Variants in COL27A1 observed in about 807,000 individuals in gnomAD.
COL27A1 encodes the protein collagen type XXVII alpha 1 chain, also known as collagen alpha-1(XXVII) chain.
In COL27A1, 106 loss-of-function variants were observed where a neutral mutation model predicts 251.3. The ratio of observed to expected loss-of-function variants is 0.42; its 90% confidence interval spans 0.36 to 0.50. COL27A1 has a LOEUF of 0.50. COL27A1 is among the 20% of genes least tolerant of loss of function. The pLI is 0.00. For synonymous variants in COL27A1, 1,000 were observed against 986.3 expected, an observed-to-expected ratio of 1.01 and a Z score of -0.26; for missense variants, 2,325 against 2,522.8, an observed-to-expected ratio of 0.92 and a Z score of 1.68.
At chr9:114,277,468 C>T (rs954865718) in intron 37 of COL27A1, among the ~76,000 whole-genome samples, 14 of 152,130 alleles carry the variant, frequency 9.2e-5, no homozygotes, top group African/African-American at 3.4e-4. Flanking sequence ...CACTGTTTTT[C>T]CCCCCTGAAG....
intron 2 of COL27A1, among the ~76,000 whole-genome samples, chr9:114,165,998 CATCCATCCATTT>C (rs905551176): frequency 6.6e-6 from 1 of 151,194 alleles, no homozygotes; most frequent in Non-Finnish European, 1.5e-5. Context: ...TCCATCCATT[CATCCATCCATTT>C]ATCCATCCAT....
At chr9:114,218,021 G>T (rs896945703) in intron 12 of COL27A1, 5 of 355,394 alleles carry the variant, frequency 1.4e-5, no homozygotes, top group African/African-American at 6.4e-5. Flanking sequence ...GGCTGAGGCG[G>T]CAGGATCACT....
intron 16 of COL27A1, among the ~76,000 whole-genome samples, chr9:114,232,287 A>G (rs1184704886): frequency 6.6e-6 from 1 of 152,134 alleles, no homozygotes; most frequent in Non-Finnish European, 1.5e-5. Context: ...CCGACTGGAA[A>G]TGCGACTCTG....
intron 10 of COL27A1, 28 bp downstream of exon 10, chr9:114,206,324 G>T: frequency 6.2e-7 from 1 of 1,613,050 alleles, no homozygotes; most frequent in Non-Finnish European, 8.5e-7. Context: ...AGTGCCACAT[G>T]GGTGGGGTTC....
chr9:114,267,118 G>A (rs924334399), intron 33 of COL27A1, among the ~76,000 whole-genome samples: 4 of 152,198 alleles, frequency 2.6e-5, no homozygotes, highest in African/African-American at 4.8e-5. Flanking sequence ...CCCGCCTCAC[G>A]CTGGCTAAGC....
At chr9:114,166,369 A>ATCCATCCATCCG (rs1157543752) in intron 2 of COL27A1, among the ~76,000 whole-genome samples, 1,444 of 9,730 alleles carry the variant, frequency 0.15, 59 homozygotes, top group African/African-American at 0.35. Context: ...CCATCCATCA[A>ATCCATCCATCCG]TCCATCCATC....
chr9:114,165,115 A>G (rs1208522862), intron 2 of COL27A1, among the ~76,000 whole-genome samples: 2 of 152,216 alleles, frequency 1.3e-5, no homozygotes, highest in South Asian at 2.1e-4. Context: ...TAACAACCCT[A>G]TGGTGTAGGC....
intron 14 of COL27A1, among the ~76,000 whole-genome samples, chr9:114,225,568 GA>G (rs928225067): frequency 6.6e-6 from 1 of 152,128 alleles, no homozygotes; most frequent in East Asian, 1.9e-4. Context: ...TGTGCCTGGG[GA>G]AAAAAACTGT....
Position 114,210,986 on chromosome 9 carries a change from T to C in COL27A1, c.2327T>C (p.Leu776Pro). The C allele has an allele frequency of 6.2e-7, 1 of 1,614,222 alleles. No individual in the cohort carries two copies. The change falls in exon 12 of 61, where the codon CTG (leucine) becomes CCG (proline). Residue 776 changes from leucine to proline, a missense_variant. Leu to Pro is a moderately conservative substitution (Grantham distance 98). Coordinates refer to ENST00000356083, the MANE Select transcript of COL27A1 (RefSeq NM_032888.4). ...TCCCCTGTCTCTCCCCTGCAGGGCC[T>C]GCCTGGCGTTCCTGGCAAGAGGGGC... Reference protein sequence around the residue: ...GLPGSDGERGLPGVPGKRGKM... With the variant: ...GLPGSDGERGPPGVPGKRGKM...
chr9:114,158,812 G>A (rs943655397), intron 1 of COL27A1, among the ~76,000 whole-genome samples: 16 of 152,304 alleles, frequency 1.1e-4, no homozygotes, highest in South Asian at 1.0e-3. Context: ...GCTGGGGCTC[G>A]GGTCTCTGGC....
intron 14 of COL27A1, among the ~76,000 whole-genome samples, chr9:114,222,514 C>T (rs1195157321): frequency 6.6e-6 from 1 of 152,168 alleles, no homozygotes; most frequent in Non-Finnish European, 1.5e-5. Context: ...AGGTGGATCA[C>T]CTTCTCTGAG....
At chr9:114,305,219 T>G (rs1192492740) in intron 57 of COL27A1, among the ~76,000 whole-genome samples, 1 of 152,210 alleles carries the variant, frequency 6.6e-6, no homozygotes, top group Non-Finnish European at 1.5e-5. Context: ...TCAAACCTCC[T>G]ATGAACATTT....
Position 114,301,144 on chromosome 9 carries a change from C to T in COL27A1, c.4755+19C>T. ...ACTCCCGGTATGTGTGGGGATTGGA[C>T]AGGAAGACTCCGGGGTCCCCTTGCC... On this transcript the variant is annotated intron_variant, in intron 52 of 60. Transcript: ENST00000356083. 2 of 1,613,562 alleles carry T rather than the reference C, an allele frequency of 1.2e-6. No individual in the cohort carries two copies. Among genetic ancestry groups the T allele is most frequent in the Non-Finnish European group, 1.7e-6 (2 of 1,179,660 alleles).
intron 27 of COL27A1, among the ~76,000 whole-genome samples, chr9:114,258,259 AG>A (rs1007660087): frequency 1.3e-5 from 2 of 152,204 alleles, no homozygotes; most frequent in African/African-American, 4.8e-5. Context: ...AATGTCATGC[AG>A]GGGGCCTTAT....
chr9:114,260,622 C>T (rs1834251688), intron 28 of COL27A1, among the ~76,000 whole-genome samples: 1 of 152,102 alleles, frequency 6.6e-6, no homozygotes, highest in African/African-American at 2.4e-5. Context: ...CTCCCCACCC[C>T]ACCGCCCACC....
intron 5 of COL27A1, among the ~76,000 whole-genome samples, chr9:114,189,017 T>C (rs1452548789): frequency 6.6e-6 from 1 of 152,204 alleles, no homozygotes; most frequent in East Asian, 1.9e-4. Flanking sequence ...TTCATGATGA[T>C]TTTCACAAAT....
Position 114,195,922 on chromosome 9 carries a change from G to A in COL27A1, c.2071-37G>A, listed in dbSNP as rs190172610. 5.9e-5 allele frequency: 90 copies of A among 1,535,920 alleles called. 1 individual carries two copies. The highest frequency in any genetic ancestry group is 5.8e-4 in the African/African-American group (43 of 73,714). On this transcript the variant is annotated intron_variant, in intron 6 of 60. Coordinates refer to ENST00000356083, the MANE Select transcript of COL27A1 (RefSeq NM_032888.4). ...AGTGTAGCAGAGTGTCTCTGCTCCC[G>A]TTTTCCTGCCTCACCCACCTTGTCT...
Position 114,155,916 on chromosome 9 carries a change from C to T in COL27A1, c.-35C>T, listed in dbSNP as rs1848087765. ...CCCCATGGGGCGCGCCCACACTTGC[C>T]CCCCGGGCTCGGGAGCATGAAGTAG... On this transcript the variant is annotated 5_prime_UTR_variant, in exon 1 of 61. Transcript: ENST00000356083. This position sits in a 1 kb window ranked among gnomAD's most constrained non-coding sequence, Gnocchi z 5.5. 6 of 1,214,676 alleles carry T rather than the reference C, an allele frequency of 4.9e-6. No homozygotes were observed. The East Asian group carries it at 1.6e-4, about 33-fold the overall frequency. 75.2% of individuals were successfully genotyped at this position (1,214,676 alleles called of 1,614,324 possible). A position where few individuals can be genotyped will look rare whatever the true frequency, so the allele number is the denominator to read the frequency against.
chr9:114,255,863 C>G (rs1833885237), intron 27 of COL27A1, among the ~76,000 whole-genome samples: 1 of 152,192 alleles, frequency 6.6e-6, no homozygotes, highest in Admixed American at 6.5e-5. Flanking sequence ...GGCTCCCCGA[C>G]TTGCCGGCTG....
Sources: gnomAD v4.1 joint callset for allele counts (sites outside exome capture counted in the v4.1 genomes callset) on GRCh38, gnomAD v4.1.1 for gene constraint, Gnocchi (gnomAD v3.1) non-coding constraint, MANE v1.5 for transcripts, NCBI Gene and HGNC (gene_info 2026-07-23, HGNC 2026-07-21) for gene names.